The following TTC28 variants were observed in gnomAD, a reference collection of about 807,000 sequenced individuals.
TTC28 encodes tetratricopeptide repeat domain 28.
In TTC28, 61 loss-of-function variants were observed where a neutral mutation model predicts 198.0. The observed-to-expected ratio is 0.31, with a 90% CI of 0.25 to 0.38. TTC28 has a LOEUF of 0.38. Ranked by LOEUF, TTC28 falls within the 10% of genes least tolerant of loss-of-function variation. The probability of loss-of-function intolerance (pLI) is 1.00; values close to 1 mark genes in which losing one functional copy is unlikely to be tolerated. For synonymous variants in TTC28, 1,171 were observed against 1,297.8 expected (o/e 0.90, Z 2.10); for missense variants, 2,678 against 3,164.0 (o/e 0.85, Z 3.69).
intron 5 of TTC28, among the ~76,000 whole-genome samples, chr22:28,245,388 T>G (rs1254797706): frequency 6.6e-6 from 1 of 152,154 alleles, no homozygotes; most frequent in Non-Finnish European, 1.5e-5. Context: ...TGGTAATGAC[T>G]CTATTTCATC....
chr22:28,166,639 A>T (rs964562154), intron 5 of TTC28, among the ~76,000 whole-genome samples: 4 of 152,232 alleles, frequency 2.6e-5, no homozygotes, highest in Non-Finnish European at 4.4e-5. Context: ...ACAAAGACAC[A>T]ACATGCCAGA....
At position 27,992,604 on chromosome 22, in the gene TTC28, C is replaced by T. The variant is rs371777649; in HGVS notation, c.5536G>A (p.Glu1846Lys). 13 of 1,551,394 alleles carry T rather than the reference C, an allele frequency of 8.4e-6. No homozygotes were observed. The highest frequency in any genetic ancestry group is 1.4e-5 in the African/African-American group (1 of 73,002). ...CKLITASETG[E>K]QLISRAVKNM... is the part of the protein sequence containing the mutation. Reference sequence around the variant, plus strand: ...CGACTTACCCGGCTGATGAGCTGCTCGCCCGTCTCGGAGGCAGTGATGAGT... The same window carrying T: ...CGACTTACCCGGCTGATGAGCTGCTTGCCCGTCTCGGAGGCAGTGATGAGT... Residue 1846 changes from glutamate to lysine, a missense_variant, in exon 19 of 23, where the codon GAG (glutamate) becomes AAG (lysine). Physicochemically the swap from Glu to Lys is moderately conservative, Grantham distance 56 (BLOSUM62 1). Transcript: ENST00000397906.
intron 2 of TTC28, among the ~76,000 whole-genome samples, chr22:28,440,012 G>A (rs2047592888): frequency 6.6e-6 from 1 of 152,020 alleles, no homozygotes; most frequent in Non-Finnish European, 1.5e-5. Flanking sequence ...TTTTTTGTAT[G>A]TTTAGTAGAG....
At chr22:28,209,229 G>A (rs1471199716) in intron 5 of TTC28, among the ~76,000 whole-genome samples, 1 of 152,206 alleles carries the variant, frequency 6.6e-6, no homozygotes, top group Non-Finnish European at 1.5e-5. Context: ...CTACCAGCAT[G>A]AGCGACACAG....
intron 12 of TTC28, among the ~76,000 whole-genome samples, chr22:28,055,366 G>C (rs1339503556): frequency 6.6e-6 from 1 of 152,094 alleles, no homozygotes; most frequent in Non-Finnish European, 1.5e-5. Context: ...ACTTCTAAAG[G>C]AGCTCTATGT....
At chr22:28,210,073 G>A (rs747871221) in intron 5 of TTC28, among the ~76,000 whole-genome samples, 1 of 152,148 alleles carries the variant, frequency 6.6e-6, no homozygotes, top group Non-Finnish European at 1.5e-5. Context: ...GCAGGTTAGG[G>A]TCCTCAGTGT....
chr22:28,472,176 A>C (rs2048104567), intron 2 of TTC28, among the ~76,000 whole-genome samples: 2 of 152,216 alleles, frequency 1.3e-5, no homozygotes, highest in African/African-American at 2.4e-5. Context: ...ATCAAACATT[A>C]TATCTATCTA....
At chr22:28,377,851 G>T (rs1262576967) in intron 2 of TTC28, among the ~76,000 whole-genome samples, 3 of 152,046 alleles carry the variant, frequency 2.0e-5, no homozygotes, top group Admixed American at 2.0e-4. Flanking sequence ...CCATAAAGAG[G>T]AGAATAATAA....
chr22:28,455,462 C>G (rs1163635857), intron 2 of TTC28, among the ~76,000 whole-genome samples: 2 of 152,066 alleles, frequency 1.3e-5, no homozygotes, highest in Non-Finnish European at 2.9e-5. Flanking sequence ...GTCTGTAATC[C>G]CAGCACTTTG....
chr22:28,011,381 A>G (rs1369201196), intron 14 of TTC28, among the ~76,000 whole-genome samples: 1 of 152,204 alleles, frequency 6.6e-6, no homozygotes, highest in African/African-American at 2.4e-5. Flanking sequence ...GGATTGCCTG[A>G]GCCCAGGAGT....
chr22:28,033,305 A>G (rs1443981374), intron 12 of TTC28, among the ~76,000 whole-genome samples: 1 of 152,304 alleles, frequency 6.6e-6, no homozygotes, highest in South Asian at 2.1e-4. Context: ...AACAAGCCTC[A>G]TATCTATATA....
intron 2 of TTC28, among the ~76,000 whole-genome samples, chr22:28,521,410 C>T (rs2048906094): frequency 6.6e-6 from 1 of 151,678 alleles, no homozygotes; most frequent in African/African-American, 2.4e-5. Flanking sequence ...CTATCTCTTA[C>T]ATTAAAAAAA....
intron 12 of TTC28, among the ~76,000 whole-genome samples, chr22:28,071,851 C>G (rs1428922024): frequency 2.0e-5 from 3 of 151,970 alleles, no homozygotes; most frequent in African/African-American, 7.3e-5. Context: ...AATTCTGTCT[C>G]TCCCTGCTTA....
chr22:28,196,225 G>A (rs1038784111), intron 5 of TTC28, among the ~76,000 whole-genome samples: 1 of 152,172 alleles, frequency 6.6e-6, no homozygotes, highest in Admixed American at 6.5e-5. Context: ...GGGAAAACTG[G>A]CTAGCCATAT....
At chr22:28,465,939 T>G (rs552185823) in intron 2 of TTC28, among the ~76,000 whole-genome samples, 9 of 152,316 alleles carry the variant, frequency 5.9e-5, no homozygotes, top group African/African-American at 2.2e-4. Context: ...TTCTTCCCTA[T>G]AAAGATATGT....
At chr22:28,603,257 G>T (rs1248320563) in intron 2 of TTC28, among the ~76,000 whole-genome samples, 5 of 151,624 alleles carry the variant, frequency 3.3e-5, no homozygotes, top group African/African-American at 1.2e-4. Context: ...AGAAATGGGA[G>T]AAAAAAGAAG....
At chr22:28,059,294 C>CT (rs1456233072) in intron 12 of TTC28, among the ~76,000 whole-genome samples, 1 of 151,822 alleles carries the variant, frequency 6.6e-6, no homozygotes, top group Non-Finnish European at 1.5e-5. Flanking sequence ...TGTCAGTTTT[C>CT]TTTATCATTT....
chr22:28,106,005 C>T (rs887514753), intron 7 of TTC28, among the ~76,000 whole-genome samples: 1 of 152,172 alleles, frequency 6.6e-6, no homozygotes, highest in Non-Finnish European at 1.5e-5. Context: ...AAAGTCATCC[C>T]TTAGTGACCT....
At chr22:28,172,753 A>G (rs1192979007) in intron 5 of TTC28, among the ~76,000 whole-genome samples, 1 of 152,154 alleles carries the variant, frequency 6.6e-6, no homozygotes, top group Non-Finnish European at 1.5e-5. Flanking sequence ...GAAAGGATGT[A>G]ATTTATGAAG....
Sources: allele counts gnomAD v4.1 joint callset (sites outside exome capture counted in the v4.1 genomes callset), GRCh38; gene constraint gnomAD v4.1.1; transcripts MANE v1.5; gene names NCBI Gene and HGNC (gene_info 2026-07-23, HGNC 2026-07-21).